TMEM74: variants seen among roughly 807,000 people sequenced by gnomAD.
The protein encoded by TMEM74 is transmembrane protein 74.
A neutral mutation model predicts 18.1 loss-of-function variants in TMEM74; 13 were observed. The observed-to-expected ratio is 0.72, with a 90% confidence interval of 0.47 to 1.14. The LOEUF is 1.14. Ranked by LOEUF, TMEM74 falls within the 50% of genes most tolerant of loss-of-function variation. The probability of loss-of-function intolerance (pLI) is 0.00; values close to 1 mark genes in which losing one functional copy is unlikely to be tolerated. For missense variants in TMEM74, 372 were observed against 375.9 expected, an observed-to-expected ratio of 0.99 and a Z score of 0.09; for synonymous variants, 159 against 146.6, an observed-to-expected ratio of 1.08 and a Z score of -0.61.
chr8:108,717,533 A>C (rs1206906663), intron 1 of TMEM74, among the ~76,000 whole-genome samples: 3 of 152,190 alleles, frequency 2.0e-5, no homozygotes, highest in Admixed American at 6.5e-5. Flanking sequence ...TCAGTTATGT[A>C]GTATATTAGA....
chr8:108,670,643 C>G (rs1012009830), intron 1 of TMEM74, among the ~76,000 whole-genome samples: 6 of 152,006 alleles, frequency 3.9e-5, no homozygotes, highest in African/African-American at 1.2e-4. Flanking sequence ...GATTAAGAAG[C>G]CTTGAAAATA....
chr8:108,643,228 A>G (rs1812683687), intron 2 of TMEM74, among the ~76,000 whole-genome samples: 1 of 152,194 alleles, frequency 6.6e-6, no homozygotes. Context: ...AGATTGCTGT[A>G]CCCAACTGAA....
At chr8:108,649,641 A>G (rs1254532358) in intron 2 of TMEM74, among the ~76,000 whole-genome samples, 1 of 152,200 alleles carries the variant, frequency 6.6e-6, no homozygotes, top group Non-Finnish European at 1.5e-5. Context: ...CACCAACCTG[A>G]TATCTGACAC....
At chr8:108,726,548 T>C (rs1054441936) in intron 1 of TMEM74, among the ~76,000 whole-genome samples, 2 of 152,176 alleles carry the variant, frequency 1.3e-5, no homozygotes, top group African/African-American at 4.8e-5. Flanking sequence ...ATGAGTTTGG[T>C]GATCAAATAA....
chr8:108,772,026 A>C (rs923075319), intron 1 of TMEM74, among the ~76,000 whole-genome samples: 17 of 152,304 alleles, frequency 1.1e-4, no homozygotes, highest in Middle Eastern at 3.4e-3. Flanking sequence ...ATTTTAACAT[A>C]GTTTAATATT....
At chr8:108,661,569 G>A (rs1812900345) in intron 1 of TMEM74, among the ~76,000 whole-genome samples, 1 of 151,926 alleles carries the variant, frequency 6.6e-6, no homozygotes, top group Non-Finnish European at 1.5e-5. Context: ...TGTTTATGGA[G>A]CAGCAGCTTG....
At chr8:108,750,058 T>C (rs1365604275) in intron 1 of TMEM74, among the ~76,000 whole-genome samples, 1 of 152,128 alleles carries the variant, frequency 6.6e-6, no homozygotes. Flanking sequence ...TGTTAACTCA[T>C]GATCCTTTTC....
chr8:108,740,281 C>T (rs1813787376), intron 1 of TMEM74, among the ~76,000 whole-genome samples: 1 of 152,168 alleles, frequency 6.6e-6, no homozygotes, highest in Non-Finnish European at 1.5e-5. Context: ...AGTCATGCTT[C>T]ACCCATAATC....
intron 1 of TMEM74, among the ~76,000 whole-genome samples, chr8:108,764,099 T>C (rs977407384): frequency 6.6e-6 from 1 of 152,160 alleles, no homozygotes; most frequent in African/African-American, 2.4e-5. Context: ...GAAAACTTGA[T>C]AGCATTTCAC....
chr8:108,676,141 T>C lies in TMEM74; in HGVS notation n.120-20704A>G, dbSNP rs185659738. ...AAGGAGTGGGGAAAGATATCAGGAC[T>C]GGCTGGCAGAAATGGAATGTGGCAA... On this transcript the variant is annotated intron_variant and non_coding_transcript_variant, in intron 1 of 3. Coordinates refer to the TMEM74 transcript ENST00000518838. Among the ~76,000 whole-genome samples, 106 of 152,244 alleles carry C rather than the reference T, an allele frequency of 7.0e-4. No individual in the cohort carries two copies. In the Middle Eastern group the frequency reaches 0.017, roughly 24 times the overall value.
intron 1 of TMEM74, among the ~76,000 whole-genome samples, chr8:108,658,352 C>G (rs1244011174): frequency 3.3e-5 from 5 of 151,820 alleles, no homozygotes; most frequent in Non-Finnish European, 7.4e-5. Context: ...GATTTTTGGC[C>G]TTATTATATT....
intron 1 of TMEM74, among the ~76,000 whole-genome samples, chr8:108,674,116 A>G (rs529402847): frequency 6.6e-6 from 1 of 152,180 alleles, no homozygotes. Context: ...TATTGTTTCC[A>G]CAAGCAAGTA....
intron 1 of TMEM74, among the ~76,000 whole-genome samples, chr8:108,731,668 T>A (rs147628179): frequency 6.6e-6 from 1 of 152,298 alleles, no homozygotes; most frequent in East Asian, 1.9e-4. Context: ...CCAATATTCT[T>A]AACAGAGGTA....
At chr8:108,757,270 T>C (rs1216992871) in intron 1 of TMEM74, among the ~76,000 whole-genome samples, 1 of 152,030 alleles carries the variant, frequency 6.6e-6, no homozygotes, top group Admixed American at 6.6e-5. Context: ...TAGTAGGTAG[T>C]AGATGGAGGC....
At chr8:108,737,332 C>T (rs892465468) in intron 1 of TMEM74, among the ~76,000 whole-genome samples, 8 of 152,098 alleles carry the variant, frequency 5.3e-5, no homozygotes, top group Non-Finnish European at 1.0e-4. Context: ...TTGGGTCTAA[C>T]CTGATTTCTT....
At position 108,608,463 on chromosome 8, in the gene TMEM74, C is replaced by T. The variant is rs892749436; in HGVS notation, n.339+289G>A. ...TCAGTAAGAGAGAGTATTCATCTCTCGTTTCCCCGTGGACTGTGGCAATAA... is the reference window on the plus strand; with the variant it reads ...TCAGTAAGAGAGAGTATTCATCTCTTGTTTCCCCGTGGACTGTGGCAATAA... On this transcript the variant is annotated intron_variant and non_coding_transcript_variant, in intron 3 of 3. Transcript: ENST00000518838. 3.9e-5 allele frequency among the ~76,000 whole-genome samples: 6 copies of T among 152,242 alleles called. No individual in the cohort carries two copies. In the East Asian group the frequency reaches 1.2e-3, roughly 29 times the overall value.
intron 1 of TMEM74, among the ~76,000 whole-genome samples, chr8:108,678,702 G>A (rs1218201031): frequency 6.7e-6 from 1 of 149,064 alleles, no homozygotes; most frequent in Admixed American, 6.7e-5. Context: ...TGACTTTATT[G>A]CTTTATAAGA....
At chr8:108,717,820 G>C (rs917346289) in intron 1 of TMEM74, among the ~76,000 whole-genome samples, 1 of 152,022 alleles carries the variant, frequency 6.6e-6, no homozygotes, top group Non-Finnish European at 1.5e-5. Context: ...GCGTAAGGGA[G>C]GAAGAATGAG....
chr8:108,625,716 T>C (rs1472683894), intron 2 of TMEM74, among the ~76,000 whole-genome samples: 2 of 152,010 alleles, frequency 1.3e-5, no homozygotes. Flanking sequence ...ATAATTCTTG[T>C]TGTTGTCTTG....
Sources: gnomAD v4.1 joint callset for allele counts (sites outside exome capture counted in the v4.1 genomes callset) on GRCh38, gnomAD v4.1.1 for gene constraint, MANE v1.5 for transcripts, NCBI Gene and HGNC (gene_info 2026-07-23, HGNC 2026-07-21) for gene names.